INS: variants seen among roughly 807,000 people sequenced by gnomAD.
INS encodes the protein preproinsulin.
INS carries 6 observed loss-of-function variants against 10.5 expected under a neutral mutation model. The observed-to-expected ratio is 0.57, with a 90% CI of 0.31 to 1.13. INS has a LOEUF of 1.13. INS is among the 50% of genes most tolerant of loss of function. The pLI, the probability that INS is intolerant of heterozygous loss-of-function variation, is 0.05. For synonymous variants in INS, 71 were observed against 62.7 expected, an observed-to-expected ratio of 1.13 and a Z score of -0.63; for missense variants, 109 against 138.6, an observed-to-expected ratio of 0.79 and a Z score of 1.07.
chr11:2,160,335 A>G (rs1845857256), intron 2 of INS, among the ~76,000 whole-genome samples: 1 of 152,208 alleles, frequency 6.6e-6, no homozygotes. Flanking sequence ...GCCTGGCGAC[A>G]GGGGTCTGGC....
intron 2 of INS, among the ~76,000 whole-genome samples, chr11:2,160,289 A>G (rs1048720634): frequency 6.6e-6 from 1 of 152,144 alleles, no homozygotes; most frequent in African/African-American, 2.4e-5. Flanking sequence ...TGTCCCCAGC[A>G]TCTTCCCCAT....
chr11:2,160,074 GAC>G (rs1201050114), intron 2 of INS, 77 bp from the exon 3 acceptor site: 3 of 1,456,898 alleles, frequency 2.1e-6, no homozygotes, highest in Non-Finnish European at 2.8e-6. Context: ...CAGTCAGGGA[GAC>G]ACAGTGCCCG....
At chr11:2,160,251 G>A (rs1845854557) in intron 2 of INS, among the ~76,000 whole-genome samples, 1 of 152,212 alleles carries the variant, frequency 6.6e-6, no homozygotes, top group Non-Finnish European at 1.5e-5. Flanking sequence ...AGCCTGAACA[G>A]GTGATCCCAG....
chr11:2,160,924 G>C lies in INS; in HGVS notation c.48C>G (p.Leu16=), dbSNP rs151134873. 102 of 1,612,514 alleles carry C rather than the reference G, an allele frequency of 6.3e-5. No individual in the cohort carries two copies. The highest frequency in any genetic ancestry group is 7.5e-5 in the Non-Finnish European group (88 of 1,179,842). ...AGGCTGCGGCTGGGTCAGGTCCCCA[G>C]AGGGCCAGCAGCGCCAGCAGGGGCA... ...RLLPLLALLA[L]WGPDPAAAFV... is the part of the protein sequence containing the mutation. The change falls in exon 2 of 3, where the codon CTC becomes CTG. Residue 16 remains leucine (L), a synonymous_variant. Coordinates refer to ENST00000381330, the MANE Select transcript of INS (RefSeq NM_000207.3).
chr11:2,160,658 T>C, intron 2 of INS, 127 bp downstream of exon 2: 1 of 1,182,920 alleles, frequency 8.5e-7, no homozygotes, highest in South Asian at 1.5e-5. Flanking sequence ...AACTTCTTTT[T>C]AAAAAAGTGC....
At chr11:2,160,675 C>T in intron 2 of INS, 110 bp downstream of exon 2, 1 of 1,359,972 alleles carries the variant, frequency 7.4e-7, no homozygotes, top group Admixed American at 2.0e-5. Context: ...GTGCACCTGA[C>T]CCCCTGCTGG....
At chr11:2,160,399 G>A (rs1845859854) in intron 2 of INS, among the ~76,000 whole-genome samples, 1 of 152,246 alleles carries the variant, frequency 6.6e-6, no homozygotes, top group Non-Finnish European at 1.5e-5. Flanking sequence ...TGTTCGCCCA[G>A]AGGCAGGCAG....
chr11:2,159,972 GC>G lies in INS; in HGVS notation c.212del (p.Gly71AlafsTer60). On this transcript the variant is annotated frameshift_variant, in exon 3 of 3. Coordinates refer to ENST00000381330, the MANE Select transcript of INS (RefSeq NM_000207.3). LOFTEE classifies it high-confidence loss of function. ...AGGGCTGCAGGCTGCCTGCACCAGG[GC>G]CCCCGCCCAGCTCCACCTGCCCCAC... ...LQVGQVELGGGPGAGSLQPLA... is the reference protein window; with the variant it reads ...LQVGQVELGGXPGAGSLQPLA... 1 of 1,588,976 alleles carries G rather than the reference GC, an allele frequency of 6.3e-7. No individual in the cohort carries two copies.
intron 1 of INS, 21 bp downstream of exon 1, chr11:2,161,147 G>T (rs568856178): frequency 2.3e-6 from 2 of 853,044 alleles, no homozygotes; most frequent in Non-Finnish European, 3.5e-6. Context: ...CCCACCTGAC[G>T]CAAAGGCCCT....
intron 1 of INS, 50 bp downstream of exon 1, chr11:2,161,118 G>C (rs1039816952): frequency 1.6e-6 from 2 of 1,220,668 alleles, no homozygotes; most frequent in Non-Finnish European, 1.1e-6. Flanking sequence ...CTGGGGTCCA[G>C]CCACCCTGGA....
At position 2,160,900 on chromosome 11, in the gene INS, G is replaced by T. The variant is rs539284976; in HGVS notation, c.72C>A (p.Ala24=). 4.1e-5 allele frequency: 66 copies of T among 1,612,696 alleles called. No homozygotes were observed. In the South Asian group the frequency reaches 6.6e-4, roughly 16 times the overall value. Residue 24 remains alanine, a synonymous_variant, in exon 2 of 3, where the codon GCC becomes GCA. Transcript: ENST00000381330. The part of the protein sequence containing the change: ...LALWGPDPAA[A]FVNQHLCGSH... ...AGCCGCACAGGTGTTGGTTCACAAAGGCTGCGGCTGGGTCAGGTCCCCAGA... is the reference window on the plus strand; with the variant it reads ...AGCCGCACAGGTGTTGGTTCACAAATGCTGCGGCTGGGTCAGGTCCCCAGA...
intron 2 of INS, 83 bp downstream of exon 2, chr11:2,160,702 C>G: frequency 6.4e-7 from 1 of 1,559,248 alleles, no homozygotes; most frequent in South Asian, 1.1e-5. Flanking sequence ...GCCTCCTGCC[C>G]CCTTCTGCCC....
At chr11:2,160,257 C>T (rs1234806923) in intron 2 of INS, among the ~76,000 whole-genome samples, 1 of 152,162 alleles carries the variant, frequency 6.6e-6, no homozygotes, top group Non-Finnish European at 1.5e-5. Context: ...AACAGGTGAT[C>T]CCAGTACTTC....
intron 2 of INS, 144 bp from the exon 3 acceptor site, chr11:2,160,141 A>G: frequency 2.3e-6 from 2 of 869,134 alleles, no homozygotes. Context: ...GGCTGGACCC[A>G]GGTTAGAGGG....
intron 2 of INS, 55 bp downstream of exon 2, chr11:2,160,730 C>CA: frequency 1.3e-6 from 2 of 1,597,526 alleles, no homozygotes; most frequent in Non-Finnish European, 1.7e-6. Flanking sequence ...GTGGGAGCGC[C>CA]AGGAGCAGGG....
intron 2 of INS, 36 bp downstream of exon 2, chr11:2,160,749 G>A: frequency 6.2e-7 from 1 of 1,603,452 alleles, no homozygotes; most frequent in African/African-American, 1.3e-5. Context: ...GGGGTGGCTG[G>A]GGGCGGCCAG....
At chr11:2,160,433 G>T (rs1395904295) in intron 2 of INS, among the ~76,000 whole-genome samples, 1 of 152,192 alleles carries the variant, frequency 6.6e-6, no homozygotes, top group African/African-American at 2.4e-5. Flanking sequence ...GTGACCCCAG[G>T]TCACCCAGGA....
Position 2,159,979 on chromosome 11 carries a change from C to A in INS, c.206G>T (p.Gly69Val), listed in dbSNP as rs866840557. Residue 69 changes from glycine (G) to valine (V), a missense_variant, in exon 3 of 3, where the codon GGC (glycine) becomes GTC (valine). By Grantham distance (109) the Gly-to-Val change is moderately radical. Transcript: ENST00000381330. ...EDLQVGQVEL[G>V]GGPGAGSLQP... ...CAGGCTGCCTGCACCAGGGCCCCCG[C>A]CCAGCTCCACCTGCCCCACTGCCAG... The A allele has an allele frequency of 1.3e-6, 2 of 1,587,010 alleles. No homozygotes were observed. The highest frequency in any genetic ancestry group is 1.3e-5 in the African/African-American group (1 of 74,670).
In INS at chr11:2,160,797, C is replaced by T. The variant is rs1845873763; in HGVS notation, c.175G>A (p.Glu59Lys). The change falls in exon 2 of 3, where the codon GAG becomes AAG. Residue 59 changes from glutamate to lysine, a missense_variant. Glu to Lys is a moderately conservative substitution (Grantham distance 56). Around this residue, in one of 2 missense-constraint regions of INS, gnomAD observed 108 missense variants for 118.0 expected, o/e 0.92. Transcript: ENST00000381330. ...FYTPKTRREA[E>K]DLQVGQVELG... Reference sequence around the variant, plus strand: ...GCAGTTGGCTCACCCTGCAGGTCCTCTGCCTCCCGGCGGGTCTTGGGTGTG... The same window carrying T: ...GCAGTTGGCTCACCCTGCAGGTCCTTTGCCTCCCGGCGGGTCTTGGGTGTG... The T allele has an allele frequency of 6.2e-7, 1 of 1,612,372 alleles. No homozygotes were observed. The highest frequency in any genetic ancestry group is 8.5e-7 in the Non-Finnish European group (1 of 1,179,600).
Sources: gnomAD v4.1 joint callset for allele counts (sites outside exome capture counted in the v4.1 genomes callset) on GRCh38, gnomAD v4.1.1 for gene constraint, gnomAD v4.1.1 regional missense constraint, MANE v1.5 for transcripts, NCBI Gene and HGNC (gene_info 2026-07-23, HGNC 2026-07-21) for gene names.